Variants in DLG1 observed in about 807,000 individuals in gnomAD.
DLG1 encodes discs large MAGUK scaffold protein 1, also known as disks large homolog 1.
DLG1 carries 42 observed loss-of-function variants against 123.4 expected under a neutral mutation model. The observed-to-expected ratio is 0.34, with a 90% CI of 0.27 to 0.44. The LOEUF is 0.44. DLG1 is among the 20% of genes least tolerant of loss of function. The probability of loss-of-function intolerance (pLI) is 1.00; values close to 1 mark genes in which losing one functional copy is unlikely to be tolerated. For synonymous variants in DLG1, 317 were observed against 356.2 expected (o/e 0.89, Z 1.24); for missense variants, 942 against 1,082.6 (o/e 0.87, Z 1.82).
At chr3:197,173,744 G>T (rs1314579651) in intron 5 of DLG1, among the ~76,000 whole-genome samples, 3 of 152,242 alleles carry the variant, frequency 2.0e-5, no homozygotes, top group African/African-American at 7.2e-5. Context: ...ATCCAACACT[G>T]CTATTGTAGT....
chr3:197,075,990 A>G, intron 18 of DLG1: 6 of 673,684 alleles, frequency 8.9e-6, no homozygotes, highest in East Asian at 5.8e-5. Flanking sequence ...ACAGGTACAT[A>G]TATCTTACAG....
intron 4 of DLG1, among the ~76,000 whole-genome samples, chr3:197,217,882 TAC>T (rs141167468): frequency 0.01 from 1,589 of 152,358 alleles, 29 homozygotes; most frequent in African/African-American, 0.036. Context: ...TTCACAGGTG[TAC>T]ACAGATGTCA....
At chr3:197,189,694 T>C (rs574064481) in intron 5 of DLG1, among the ~76,000 whole-genome samples, 6 of 152,328 alleles carry the variant, frequency 3.9e-5, no homozygotes, top group Admixed American at 1.3e-4. Context: ...CCCACAAAGA[T>C]GGCCAGGTTT....
chr3:197,248,880 G>A (rs760218681), intron 4 of DLG1, among the ~76,000 whole-genome samples: 1 of 152,188 alleles, frequency 6.6e-6, no homozygotes, highest in Non-Finnish European at 1.5e-5. Flanking sequence ...TTTGTTTGAA[G>A]AGAAACTGTT....
At chr3:197,083,644 T>C (rs1457787677) in intron 16 of DLG1, among the ~76,000 whole-genome samples, 4 of 152,116 alleles carry the variant, frequency 2.6e-5, no homozygotes, top group East Asian at 1.9e-4. Context: ...GTGCTAAGTA[T>C]ACACCCATGA....
At chr3:197,247,314 T>A (rs1028801869) in intron 4 of DLG1, among the ~76,000 whole-genome samples, 6 of 152,144 alleles carry the variant, frequency 3.9e-5, no homozygotes, top group Admixed American at 3.9e-4. Flanking sequence ...CAGGATTACA[T>A]GGGGGAGGAA....
intron 4 of DLG1, among the ~76,000 whole-genome samples, chr3:197,250,922 G>T (rs1412079795): frequency 6.8e-6 from 1 of 147,184 alleles, no homozygotes; most frequent in East Asian, 2.0e-4. Flanking sequence ...GGTAAAGGTT[G>T]CAGTGAGCCA....
intron 15 of DLG1, among the ~76,000 whole-genome samples, chr3:197,087,433 C>G (rs1755074150): frequency 6.6e-6 from 1 of 151,658 alleles, no homozygotes; most frequent in South Asian, 2.1e-4. Flanking sequence ...GTAGTCCCAG[C>G]TACTTGGGAT....
chr3:197,200,154 G>C (rs1046074290), intron 4 of DLG1, among the ~76,000 whole-genome samples: 5 of 152,074 alleles, frequency 3.3e-5, no homozygotes, highest in Non-Finnish European at 7.4e-5. Context: ...AAATGATGCA[G>C]ATTCCTGAAT....
chr3:197,119,778 C>T (rs1408493988), intron 11 of DLG1, among the ~76,000 whole-genome samples: 3 of 152,108 alleles, frequency 2.0e-5, no homozygotes, highest in Admixed American at 1.3e-4. Context: ...CCACCACACC[C>T]AGATTACTTA....
intron 5 of DLG1, among the ~76,000 whole-genome samples, chr3:197,165,255 T>C (rs1403630263): frequency 2.6e-5 from 4 of 152,208 alleles, no homozygotes; most frequent in African/African-American, 4.8e-5. Context: ...AAACAATTAT[T>C]ATGATCTTTA....
intron 4 of DLG1, among the ~76,000 whole-genome samples, chr3:197,278,068 T>G (rs1191113387): frequency 1.3e-5 from 2 of 151,914 alleles, no homozygotes; most frequent in African/African-American, 2.4e-5. Flanking sequence ...GTGGATCACC[T>G]GAGGTCAAGA....
intron 5 of DLG1, among the ~76,000 whole-genome samples, chr3:197,157,970 G>A (rs753116622): frequency 1.3e-5 from 2 of 152,128 alleles, no homozygotes; most frequent in African/African-American, 4.8e-5. Context: ...GGCTAAAAGC[G>A]AGACACTGGA....
chr3:197,272,489 AT>A (rs1256123988), intron 4 of DLG1, among the ~76,000 whole-genome samples: 1 of 152,194 alleles, frequency 6.6e-6, no homozygotes, highest in African/African-American at 2.4e-5. Flanking sequence ...TGTGGTTTTC[AT>A]TGTGCCATTT....
chr3:197,069,267 T>C lies in DLG1; in HGVS notation c.2006-7A>G, dbSNP rs757348424. 8.9e-6 allele frequency: 14 copies of C among 1,580,558 alleles called. No homozygotes were observed. The highest frequency in any genetic ancestry group is 1.8e-5 in the Admixed American group (1 of 56,270). On this transcript the variant is annotated splice_region_variant and splice_polypyrimidine_tract_variant and intron_variant, in intron 18 of 24. Coordinates refer to ENST00000667157, the MANE Select transcript of DLG1 (RefSeq NM_001366207.1). Reference sequence around the variant, plus strand: ...GCATTAGAAGTTACATGCTCTGAAATTGCAGGACAATGAAAAAAAATAAAA... The same window carrying C: ...GCATTAGAAGTTACATGCTCTGAAACTGCAGGACAATGAAAAAAAATAAAA...
intron 9 of DLG1, 79 bp downstream of exon 9, chr3:197,138,143 T>C: frequency 1.2e-6 from 1 of 801,348 alleles, no homozygotes; most frequent in Non-Finnish European, 1.8e-6. Context: ...ACTTGGAATG[T>C]ATGTCACAGA....
intron 23 of DLG1, among the ~76,000 whole-genome samples, chr3:197,057,945 GC>G (rs1373433028): frequency 7.9e-5 from 12 of 151,438 alleles, no homozygotes; most frequent in African/African-American, 2.9e-4. Context: ...TTTCTGCTCT[GC>G]CATATTTTTT....
At chr3:197,253,411 G>A (rs1755385363) in intron 4 of DLG1, among the ~76,000 whole-genome samples, 1 of 152,122 alleles carries the variant, frequency 6.6e-6, no homozygotes, top group African/African-American at 2.4e-5. Flanking sequence ...TGCTGGCAAG[G>A]ATGTGGAAAA....
chr3:197,104,038 C>T (rs747944653), intron 14 of DLG1, among the ~76,000 whole-genome samples: 1 of 152,110 alleles, frequency 6.6e-6, no homozygotes. Context: ...AAAGTCACAT[C>T]CACCATACTT....
Sources: allele counts gnomAD v4.1 joint callset (sites outside exome capture counted in the v4.1 genomes callset), GRCh38; gene constraint gnomAD v4.1.1; transcripts MANE v1.5; gene names NCBI Gene and HGNC (gene_info 2026-07-23, HGNC 2026-07-21).